The following GAS7 variants were observed in gnomAD, a reference collection of about 807,000 sequenced individuals.
GAS7 encodes the protein growth arrest-specific protein 7.
Under a neutral mutation model 71.1 loss-of-function variants are expected in GAS7, and 28 were observed. The observed-to-expected ratio is 0.39, with a 90% CI of 0.29 to 0.54. The LOEUF (loss-of-function observed/expected upper bound fraction) is 0.54. Among genes scored for constraint, GAS7 ranks in the 20% least tolerant of loss-of-function variants. The pLI, the probability that GAS7 is intolerant of heterozygous loss-of-function variation, is 0.62. For missense variants in GAS7, 436 were observed against 627.8 expected (o/e 0.69, Z 3.27); for synonymous variants, 258 against 245.8 (o/e 1.05, Z -0.46).
chr17:10,029,395 T>C (rs1297669851), intron 1 of GAS7, among the ~76,000 whole-genome samples: 2 of 152,224 alleles, frequency 1.3e-5, no homozygotes, highest in African/African-American at 2.4e-5. Context: ...AGGTGAAGAA[T>C]GACGAAATCA....
At chr17:10,178,849 G>A (rs1188933554) in intron 1 of GAS7, among the ~76,000 whole-genome samples, 3 of 150,482 alleles carry the variant, frequency 2.0e-5, no homozygotes, top group African/African-American at 7.3e-5. Context: ...GCTTTTCTTT[G>A]TTCGCTGGTT....
chr17:10,181,062 G>A (rs1206756439), intron 1 of GAS7, among the ~76,000 whole-genome samples: 41 of 130,372 alleles, frequency 3.1e-4, no homozygotes, highest in African/African-American at 1.1e-3. Flanking sequence ...GGTGGGGGGT[G>A]GCAGTGCGGG....
intron 1 of GAS7, among the ~76,000 whole-genome samples, chr17:10,032,706 C>A (rs1201523169): frequency 1.3e-5 from 2 of 152,206 alleles, no homozygotes; most frequent in African/African-American, 4.8e-5. Flanking sequence ...AGAGGCCTGA[C>A]AAGACACAAA....
intron 3 of GAS7, among the ~76,000 whole-genome samples, chr17:9,977,708 C>G (rs771845057): frequency 1.3e-5 from 2 of 148,156 alleles, no homozygotes; most frequent in Non-Finnish European, 3.0e-5. Flanking sequence ...TAAGTAGCAC[C>G]CAACATTCAA....
At chr17:10,137,227 T>C (rs2074045991) in intron 1 of GAS7, among the ~76,000 whole-genome samples, 1 of 152,166 alleles carries the variant, frequency 6.6e-6, no homozygotes, top group South Asian at 2.1e-4. Flanking sequence ...GCACTTGCTG[T>C]TTCCTCTGCC....
At chr17:9,936,561 G>C in intron 8 of GAS7, among the ~76,000 whole-genome samples, 1 of 152,252 alleles carries the variant, frequency 6.6e-6, no homozygotes, top group Middle Eastern at 3.4e-3. Flanking sequence ...GACATTCAGA[G>C]GGGCCCCTCT....
chr17:10,127,903 G>A (rs777208647), intron 1 of GAS7, among the ~76,000 whole-genome samples: 15 of 152,180 alleles, frequency 9.9e-5, no homozygotes, highest in Non-Finnish European at 2.1e-4. Context: ...CCACCACTCG[G>A]GCCACATAAG....
At chr17:9,951,697 C>A (rs948837318) in intron 5 of GAS7, among the ~76,000 whole-genome samples, 17 of 130,114 alleles carry the variant, frequency 1.3e-4, no homozygotes, top group Non-Finnish European at 1.6e-5. Flanking sequence ...GTGGCGGTTG[C>A]GGTGAGCCAA....
rs1042011104 is a variant in GAS7, at chr17:10,035,744, T to G, written c.184-15847A>C. On this transcript the variant is annotated intron_variant, in intron 1 of 13. Coordinates refer to ENST00000432992, the MANE Select transcript of GAS7 (RefSeq NM_201433.2). ...GCGTAACTTCTGGGGGTGGAAAGATTGGTGAAACAAGGCTGTTGTACTGCT... is the reference window on the plus strand; with the variant it reads ...GCGTAACTTCTGGGGGTGGAAAGATGGGTGAAACAAGGCTGTTGTACTGCT... Among the ~76,000 whole-genome samples, 4 of 152,212 alleles carry G rather than the reference T, an allele frequency of 2.6e-5. No individual in the cohort carries two copies. The East Asian group carries it at 7.7e-4, about 29-fold the overall frequency.
intron 2 of GAS7, among the ~76,000 whole-genome samples, chr17:9,993,549 T>A (rs995057532): frequency 6.6e-6 from 1 of 151,970 alleles, no homozygotes; most frequent in African/African-American, 2.4e-5. Context: ...AAGAGCTATC[T>A]ATGACAAACC....
chr17:9,953,414 G>A lies in GAS7; in HGVS notation c.525+5788C>T, dbSNP rs183495316. 2.0e-5 allele frequency among the ~76,000 whole-genome samples: 3 copies of A among 152,258 alleles called. No homozygotes were observed. In the East Asian group the frequency reaches 5.8e-4, roughly 29 times the overall value. On this transcript the variant is annotated intron_variant, in intron 5 of 13. Transcript: ENST00000432992. ...CTCATTTTGGGATTTCTCCCTCCCA[G>A]GAAGCCCACTGGGATTTCTCCAAAT...
At chr17:9,995,673 C>G (rs1349475178) in intron 2 of GAS7, among the ~76,000 whole-genome samples, 1 of 152,152 alleles carries the variant, frequency 6.6e-6, no homozygotes, top group Admixed American at 6.5e-5. Context: ...TAACCAGGAT[C>G]TGCAAAAACA....
In GAS7 at chr17:10,006,539, C is replaced by T. The variant is rs537599320; in HGVS notation, c.304+13238G>A. On this transcript the variant is annotated intron_variant, in intron 2 of 13. Coordinates refer to ENST00000432992, the MANE Select transcript of GAS7 (RefSeq NM_201433.2). ...AGAGATGGGGTTTCACCATGTTAGC[C>T]GGCATGGTCTCGATCTCCTGACCTC... is the stretch of plus-strand genomic sequence containing the variant. 6.6e-5 allele frequency among the ~76,000 whole-genome samples: 10 copies of T among 151,984 alleles called. No homozygotes were observed. In the East Asian group the frequency reaches 1.9e-3, roughly 29 times the overall value.
chr17:10,174,421 G>A (rs56305614), intron 1 of GAS7, among the ~76,000 whole-genome samples: 30,364 of 151,940 alleles, frequency 0.2, 3,051 homozygotes, highest in Middle Eastern at 0.26. Flanking sequence ...GGCCAGGCGC[G>A]GTGGCTCACA....
intron 2 of GAS7, among the ~76,000 whole-genome samples, chr17:10,019,089 T>C (rs1244328540): frequency 2.0e-5 from 3 of 152,128 alleles, no homozygotes; most frequent in Non-Finnish European, 4.4e-5. Context: ...GCATCCCCTT[T>C]TATAAACCAT....
Position 10,103,002 on chromosome 17 carries a change from G to A in GAS7, c.184-83105C>T, listed in dbSNP as rs1240475442. Among the ~76,000 whole-genome samples the A allele has an allele frequency of 6.6e-6, 1 of 152,170 alleles. No homozygotes were observed. The highest frequency in any genetic ancestry group is 1.5e-5 in the Non-Finnish European group (1 of 68,030). ...CGATCCTCAGAGTGGGATCCAGGGAGGCACCAGCAGCATTCCTGTCGCCTA... is the reference window on the plus strand; with the variant it reads ...CGATCCTCAGAGTGGGATCCAGGGAAGCACCAGCAGCATTCCTGTCGCCTA... On this transcript the variant is annotated intron_variant, in intron 1 of 13. Transcript: ENST00000432992. This position sits in a 1 kb window ranked among gnomAD's most constrained non-coding sequence, Gnocchi z 5.5.
intron 2 of GAS7, among the ~76,000 whole-genome samples, chr17:9,982,861 G>GA (rs1555611386): frequency 1.4e-5 from 2 of 143,984 alleles, no homozygotes; most frequent in Non-Finnish European, 1.5e-5. Context: ...AAGAAAGAAA[G>GA]AAAGAAAGCA....
At chr17:10,172,064 A>G (rs2074338889) in intron 1 of GAS7, among the ~76,000 whole-genome samples, 1 of 152,162 alleles carries the variant, frequency 6.6e-6, no homozygotes, top group Non-Finnish European at 1.5e-5. Flanking sequence ...ATACTAAGAA[A>G]AGCATACACC....
intron 1 of GAS7, among the ~76,000 whole-genome samples, chr17:10,101,902 TG>T (rs2073702639): frequency 6.6e-6 from 1 of 152,132 alleles, no homozygotes; most frequent in Admixed American, 6.5e-5. Context: ...GCCTGGTACA[TG>T]GGGCCCTGCC....
Sources: allele counts gnomAD v4.1 joint callset (sites outside exome capture counted in the v4.1 genomes callset), GRCh38; gene constraint gnomAD v4.1.1; non-coding constraint Gnocchi (gnomAD v3.1); transcripts MANE v1.5; gene names NCBI Gene and HGNC (gene_info 2026-07-23, HGNC 2026-07-21).